Variants in BTD observed in about 807,000 individuals in gnomAD.
BTD encodes the protein biocytinase.
BTD carries 13 observed loss-of-function variants against 17.7 expected under a neutral mutation model. The observed-to-expected ratio is 0.74, with a 90% confidence interval of 0.48 to 1.17. BTD has a LOEUF of 1.17. Ranked by LOEUF, BTD falls within the 50% of genes most tolerant of loss-of-function variation. The pLI, the probability that BTD is intolerant of heterozygous loss-of-function variation, is 0.00. For synonymous variants in BTD, 240 were observed against 245.2 expected, an observed-to-expected ratio of 0.98 and a Z score of 0.20; for missense variants, 674 against 650.4, an observed-to-expected ratio of 1.04 and a Z score of -0.39.
chr3:15,607,688 T>A (rs1470916518), intron 1 of BTD, among the ~76,000 whole-genome samples: 1 of 152,220 alleles, frequency 6.6e-6, no homozygotes, highest in African/African-American at 2.4e-5. Flanking sequence ...AGGAAATGAA[T>A]CAAGGTCATT....
intron 3 of BTD, among the ~76,000 whole-genome samples, chr3:15,696,602 T>C (rs918595121): frequency 5.9e-5 from 9 of 152,080 alleles, no homozygotes; most frequent in Non-Finnish European, 1.2e-4. Context: ...GAGTACATAA[T>C]ATTGGCAATA....
chr3:15,676,863 G>T, intron 3 of BTD: 2 of 746,414 alleles, frequency 2.7e-6, no homozygotes, highest in Non-Finnish European at 4.2e-6. Flanking sequence ...TATTAAAATT[G>T]CTTCTATGAC....
intron 3 of BTD, among the ~76,000 whole-genome samples, chr3:15,662,219 C>T (rs2065931940): frequency 6.6e-6 from 1 of 152,204 alleles, no homozygotes; most frequent in African/African-American, 2.4e-5. Flanking sequence ...CAAGAACTGA[C>T]ATCTTAAAAA....
intron 1 of BTD, among the ~76,000 whole-genome samples, chr3:15,604,678 T>C (rs2064389422): frequency 6.6e-6 from 1 of 152,242 alleles, no homozygotes; most frequent in Non-Finnish European, 1.5e-5. Flanking sequence ...CTGCTTCCTC[T>C]GGAACACTTT....
chr3:15,631,570 A>G (rs547813923), intron 1 of BTD: 3 of 1,293,436 alleles, frequency 2.3e-6, no homozygotes, highest in Admixed American at 4.0e-5. Context: ...ATAGATTTCC[A>G]TGTAATTGAG....
intron 3 of BTD, among the ~76,000 whole-genome samples, chr3:15,682,357 G>T (rs1004976081): frequency 1.1e-4 from 17 of 152,080 alleles, no homozygotes; most frequent in African/African-American, 4.1e-4. Flanking sequence ...AGTACAGACT[G>T]AGAAAAGGGA....
Position 15,650,464 on chromosome 3 carries a change from G to C in BTD, c.*4976G>C, listed in dbSNP as rs1445163102. Among the ~76,000 whole-genome samples, 2 of 149,994 alleles carry C rather than the reference G, an allele frequency of 1.3e-5. No individual in the cohort carries two copies. The highest frequency in any genetic ancestry group is 3.0e-5 in the Non-Finnish European group (2 of 67,788). On this transcript the variant is annotated 3_prime_UTR_variant, in exon 4 of 4. Transcript: ENST00000643237. The stretch of plus-strand genomic sequence containing the variant: ...AAAAAAAAAAAGAATATATTAACTC[G>C]TAACTGGGGAGTCTAAGAATAAATT...
At chr3:15,609,976 G>A (rs554464235) in intron 1 of BTD, among the ~76,000 whole-genome samples, 7 of 151,882 alleles carry the variant, frequency 4.6e-5, no homozygotes, top group Admixed American at 3.3e-4. Flanking sequence ...ATCAAAAAGT[G>A]TAAAGTTTTA....
chr3:15,603,643 C>G (rs551625562), intron 1 of BTD, among the ~76,000 whole-genome samples: 2 of 151,654 alleles, frequency 1.3e-5, no homozygotes, highest in African/African-American at 2.4e-5. Context: ...GGGGACAGAT[C>G]GAGACTCCGT....
chr3:15,708,456 CAGA>C (rs1434944113), intron 3 of BTD, among the ~76,000 whole-genome samples: 4 of 151,794 alleles, frequency 2.6e-5, no homozygotes, highest in South Asian at 2.1e-4. Context: ...ATTCATGTCT[CAGA>C]AGAAGAACAA....
intron 1 of BTD, among the ~76,000 whole-genome samples, chr3:15,631,045 A>G (rs1356595157): frequency 6.6e-6 from 1 of 152,262 alleles, no homozygotes; most frequent in East Asian, 1.9e-4. Flanking sequence ...TTAGGTGAAG[A>G]TAGACATTAT....
chr3:15,603,002 G>C (rs943056293), intron 1 of BTD, among the ~76,000 whole-genome samples: 3 of 152,170 alleles, frequency 2.0e-5, no homozygotes, highest in Non-Finnish European at 2.9e-5. Flanking sequence ...TGGCAGGCAA[G>C]AGAGCGTGTG....
chr3:15,616,819 C>G (rs1196757142), intron 1 of BTD, among the ~76,000 whole-genome samples: 1 of 151,876 alleles, frequency 6.6e-6, no homozygotes, highest in Non-Finnish European at 1.5e-5. Context: ...CTGTTCAGAT[C>G]TTTTGCTTAT....
At position 15,638,994 on chromosome 3, in the gene BTD, G is replaced by A. The variant is rs116995470; in HGVS notation, c.250-2914G>A. On this transcript the variant is annotated intron_variant, in intron 2 of 3. Transcript: ENST00000643237. ...TCATGCAGTGCATGACTATATTTCT[G>A]TCTCAGTAGGGGCATTCATAGGGGA... Among the ~76,000 whole-genome samples, 680 of 152,316 alleles carry A rather than the reference G, an allele frequency of 4.5e-3. 7 individuals carry two copies. The highest frequency in any genetic ancestry group is 0.015 in the South Asian group (74 of 4,828).
chr3:15,673,626 C>T (rs1463297516), intron 3 of BTD, among the ~76,000 whole-genome samples: 1 of 152,092 alleles, frequency 6.6e-6, no homozygotes, highest in Middle Eastern at 3.2e-3. Context: ...GGGTATCTAG[C>T]AAGTTGTAGT....
At chr3:15,677,116 C>T in intron 3 of BTD, 1 of 1,326,116 alleles carries the variant, frequency 7.5e-7, no homozygotes, top group Middle Eastern at 2.2e-4. Flanking sequence ...CATTTATACA[C>T]CCAACAATCT....
rs1019074720 is a variant in BTD, at chr3:15,704,251, C to T, written c.400-5809C>T. On this transcript the variant is annotated intron_variant, in intron 3 of 3. Transcript: ENST00000672141. ...TTGCTGAATGACTGTCTACCAAGAA[C>T]GCAGGCATCAGGACAATGGGGGTAA... 2.6e-5 allele frequency among the ~76,000 whole-genome samples: 4 copies of T among 151,818 alleles called. 1 individual carries two copies. The highest frequency in any genetic ancestry group is 9.7e-5 in the African/African-American group (4 of 41,308).
At chr3:15,675,016 TC>T (rs1364481479) in intron 3 of BTD, among the ~76,000 whole-genome samples, 1 of 152,064 alleles carries the variant, frequency 6.6e-6, no homozygotes, top group African/African-American at 2.4e-5. Context: ...ACACCTGTAA[TC>T]CCAGCAATTT....
intron 2 of BTD, among the ~76,000 whole-genome samples, chr3:15,639,309 TAAAG>T (rs1289490359): frequency 2.6e-5 from 4 of 151,966 alleles, no homozygotes; most frequent in African/African-American, 9.7e-5. Flanking sequence ...TTGTTTTTAA[TAAAG>T]AAAAATGTCT....
Sources: allele counts gnomAD v4.1 joint callset (sites outside exome capture counted in the v4.1 genomes callset), GRCh38; gene constraint gnomAD v4.1.1; transcripts MANE v1.5; gene names NCBI Gene and HGNC (gene_info 2026-07-23, HGNC 2026-07-21).